COL18A1: variants seen among roughly 807,000 people sequenced by gnomAD.
The protein encoded by COL18A1 is collagen type XVIII alpha 1 chain.
A neutral mutation model predicts 168.0 loss-of-function variants in COL18A1; 133 were observed. That is an observed-to-expected ratio of 0.79 (90% confidence interval 0.69 to 0.91). COL18A1 has a LOEUF of 0.91. Among genes scored for constraint, COL18A1 ranks in the 40% least tolerant of loss-of-function variants. The pLI is 0.00. For missense variants in COL18A1, 2,126 were observed against 1,925.4 expected, an observed-to-expected ratio of 1.10 and a Z score of -1.95; for synonymous variants, 949 against 809.0, an observed-to-expected ratio of 1.17 and a Z score of -2.94.
intron 5 of COL18A1, among the ~76,000 whole-genome samples, chr21:45,476,012 G>A (rs746951594): frequency 6.6e-6 from 1 of 152,214 alleles, no homozygotes; most frequent in Non-Finnish European, 1.5e-5. Flanking sequence ...CTGAGGCGCG[G>A]TGCTGTCCGT....
At position 45,425,609 on chromosome 21, in the gene COL18A1, G is replaced by A. The variant is rs532533510; in HGVS notation, c.106+20136G>A. ...TGGGCTGCAGACTTGCACAAGGTGG[G>A]GTCCTGTGTCTGGAGTCAGAGGGTC... On this transcript the variant is annotated intron_variant, in intron 2 of 41. Coordinates refer to ENST00000651438, the MANE Select transcript of COL18A1 (RefSeq NM_001379500.1). The surrounding 1 kb of genome is among the most constrained non-coding windows in gnomAD (Gnocchi z 4.1). Among the ~76,000 whole-genome samples, 1 of 152,266 alleles carries A rather than the reference G, an allele frequency of 6.6e-6. No homozygotes were observed. The highest frequency in any genetic ancestry group is 2.1e-4 in the South Asian group (1 of 4,828).
At chr21:45,495,769 C>T in intron 29 of COL18A1, 1 of 369,678 alleles carries the variant, frequency 2.7e-6, no homozygotes, top group South Asian at 2.2e-5. Flanking sequence ...CCCATACACT[C>T]CACATAGGTG....
chr21:45,510,025 G>T, intron 39 of COL18A1, 39 bp from the exon 40 acceptor site: 2 of 1,535,382 alleles, frequency 1.3e-6, no homozygotes, highest in East Asian at 2.4e-5. Flanking sequence ...GCAGGGGGCA[G>T]CGTGGGACAC....
intron 22 of COL18A1, 120 bp downstream of exon 22, chr21:45,491,434 C>T: frequency 4.7e-6 from 3 of 634,320 alleles, no homozygotes; most frequent in South Asian, 3.1e-5. Flanking sequence ...CCCTGACTGC[C>T]AGTCTACACT....
intron 2 of COL18A1, among the ~76,000 whole-genome samples, chr21:45,438,715 C>T (rs1035140770): frequency 2.6e-5 from 4 of 152,248 alleles, no homozygotes; most frequent in Admixed American, 6.5e-5. Context: ...GACGCCTCTG[C>T]AGGGTGCCAG....
chr21:45,420,353 C>G (rs900841809), intron 2 of COL18A1: 1 of 152,266 alleles, frequency 6.6e-6, no homozygotes, highest in Non-Finnish European at 1.5e-5. Flanking sequence ...TAACGGGAGC[C>G]ACTGCGAGGA....
chr21:45,435,549 C>T (rs531622096), intron 2 of COL18A1, among the ~76,000 whole-genome samples: 24 of 152,124 alleles, frequency 1.6e-4, no homozygotes, highest in African/African-American at 5.3e-4. Context: ...AGCCCCAGCT[C>T]GGCCTCCATG....
At chr21:45,454,396 A>G (rs1419948695) in intron 2 of COL18A1, among the ~76,000 whole-genome samples, 3 of 152,052 alleles carry the variant, frequency 2.0e-5, no homozygotes, top group Non-Finnish European at 4.4e-5. Flanking sequence ...CCAGCCGCAC[A>G]GCCTGGAGGA....
At chr21:45,474,013 C>G (rs1254089731) in intron 4 of COL18A1, 32 bp downstream of exon 4, 4 of 1,526,448 alleles carry the variant, frequency 2.6e-6, no homozygotes, top group Admixed American at 3.8e-5. Context: ...GGTGGGGTCT[C>G]CCCTCAATCC....
intron 2 of COL18A1, chr21:45,456,286 C>A (rs930039985): frequency 6.4e-7 from 1 of 1,568,534 alleles, no homozygotes; most frequent in Admixed American, 1.9e-5. Flanking sequence ...GCCAGCAGCT[C>A]CAACGCCCTG....
At chr21:45,486,788 C>A in intron 15 of COL18A1, 73 bp from the exon 16 acceptor site, 1 of 1,487,520 alleles carries the variant, frequency 6.7e-7, no homozygotes, top group African/African-American at 1.4e-5. Flanking sequence ...CATAAGAAAA[C>A]GTGTCTACGC....
intron 2 of COL18A1, among the ~76,000 whole-genome samples, chr21:45,448,114 C>T (rs56363367): frequency 0.037 from 5,696 of 152,298 alleles, 144 homozygotes; most frequent in Non-Finnish European, 0.052. Flanking sequence ...TGCCAGAAGA[C>T]ATCAGGAAGA....
rs1214763386 is a variant in COL18A1 at position 45,513,484 on chromosome 21, C to CACGAGGTGCA, written c.*1089_*1098dup. 2.0e-5 allele frequency: 3 copies of CACGAGGTGCA among 152,380 alleles called. No individual in the cohort carries two copies. In the East Asian group the frequency reaches 5.8e-4, roughly 29 times the overall value. The allele number at this position is 152,380 out of a possible 1,614,324, so 9.4% of individuals were successfully genotyped here. A position where few individuals can be genotyped will look rare whatever the true frequency, so the allele number is the denominator to read the frequency against. On this transcript the variant is annotated 3_prime_UTR_variant, in exon 42 of 42. Transcript: ENST00000651438. ...CCGCCCTGCGGGTGAACAAAGCAGC[C>CACGAGGTGCA]ACGAGGTGCAACAAGGTCCTCTGTC...
chr21:45,431,490 G>GT (rs1442182771), intron 2 of COL18A1, among the ~76,000 whole-genome samples: 2 of 106,078 alleles, frequency 1.9e-5, no homozygotes, highest in African/African-American at 1.0e-4. Context: ...CCCAGGGGAG[G>GT]GGGCAGGCAG....
intron 2 of COL18A1, among the ~76,000 whole-genome samples, chr21:45,434,624 C>T (rs182470510): frequency 6.9e-5 from 10 of 145,588 alleles, no homozygotes; most frequent in Non-Finnish European, 1.5e-4. Flanking sequence ...GCATCTTCTC[C>T]TCAGAGGGTG....
rs1015135025 is a variant in COL18A1, at chr21:45,473,406, T to G, written c.652-489T>G. Among the ~76,000 whole-genome samples, 1 of 152,180 alleles carries G rather than the reference T, an allele frequency of 6.6e-6. No homozygotes were observed. Among genetic ancestry groups the G allele is most frequent in the Non-Finnish European group, 1.5e-5 (1 of 68,020 alleles). ...GCGTTTCTGTCCTTGGCTTCTGGGT[T>G]TTGTTTTTGATGAAAAGGTGAAGTT... On this transcript the variant is annotated intron_variant, in intron 3 of 41. Coordinates refer to ENST00000651438, the MANE Select transcript of COL18A1 (RefSeq NM_001379500.1). This position sits in a 1 kb window ranked among gnomAD's most constrained non-coding sequence, Gnocchi z 4.0.
chr21:45,421,037 C>G (rs114391273), intron 2 of COL18A1: 1 of 205,764 alleles, frequency 4.9e-6, no homozygotes, highest in Admixed American at 5.4e-5. Context: ...TGCTCCGAGC[C>G]AGGAGACTCT....
chr21:45,459,375 A>G (rs1414873589), intron 2 of COL18A1, among the ~76,000 whole-genome samples: 5 of 152,218 alleles, frequency 3.3e-5, no homozygotes, highest in African/African-American at 1.2e-4. Context: ...TCCGGGCACC[A>G]GAACAGAGCC....
At position 45,504,010 on chromosome 21, in the gene COL18A1, G is replaced by C. The variant is rs1453867971; in HGVS notation, c.2684-1G>C. On this transcript the variant is annotated splice_acceptor_variant, in intron 32 of 41. Transcript: ENST00000651438. LOFTEE classifies it high-confidence loss of function. ...AGACCCCGCCTGTCTCTCTCTTGCAGGGCAGTTTCCGTTTGACTTTCTTCA... is the reference window on the plus strand; with the variant it reads ...AGACCCCGCCTGTCTCTCTCTTGCACGGCAGTTTCCGTTTGACTTTCTTCA... The C allele has an allele frequency of 6.2e-7, 1 of 1,613,682 alleles. No homozygotes were observed. The highest frequency in any genetic ancestry group is 1.7e-5 in the Admixed American group (1 of 60,026).
Sources: allele counts gnomAD v4.1 joint callset (sites outside exome capture counted in the v4.1 genomes callset), GRCh38; gene constraint gnomAD v4.1.1; non-coding constraint Gnocchi (gnomAD v3.1); transcripts MANE v1.5; gene names NCBI Gene and HGNC (gene_info 2026-07-23, HGNC 2026-07-21).